The following ESR1 variants were observed in gnomAD, a reference collection of about 807,000 sequenced individuals.
The protein encoded by ESR1 is estrogen receptor 1.
Under a neutral mutation model 52.7 loss-of-function variants are expected in ESR1, and 12 were observed. That is an observed-to-expected ratio of 0.23 (90% CI 0.15 to 0.37). The LOEUF (loss-of-function observed/expected upper bound fraction) is 0.37. ESR1 is among the 10% of genes least tolerant of loss of function. ESR1 has a pLI of 1.00. For synonymous variants in ESR1, 305 were observed against 316.8 expected (o/e 0.96, Z 0.39); for missense variants, 584 against 779.7 (o/e 0.75, Z 2.99).
chr6:152,097,131 T>TTC (rs374574306), intron 7 of ESR1, among the ~76,000 whole-genome samples: 3 of 150,860 alleles, frequency 2.0e-5, no homozygotes, highest in Admixed American at 1.3e-4. Context: ...TTGCTTCTCT[T>TTC]TCTCTCTCTC....
intron 2 of ESR1, among the ~76,000 whole-genome samples, chr6:151,735,050 T>A (rs1782542312): frequency 6.6e-6 from 1 of 152,226 alleles, no homozygotes; most frequent in African/African-American, 2.4e-5. Context: ...TAAAGCAGAC[T>A]GTGAATAAAT....
chr6:151,785,287 A>G (rs1343761949), intron 2 of ESR1, among the ~76,000 whole-genome samples: 1 of 152,200 alleles, frequency 6.6e-6, no homozygotes, highest in Non-Finnish European at 1.5e-5. Context: ...CAGAATGGTC[A>G]AGAGAGATGG....
intron 3 of ESR1, among the ~76,000 whole-genome samples, chr6:151,920,496 A>G (rs993129274): frequency 2.6e-5 from 4 of 152,122 alleles, no homozygotes; most frequent in Non-Finnish European, 4.4e-5. Flanking sequence ...TCTATACTTT[A>G]TTCAGATTTT....
At chr6:152,106,204 ATATAT>A (rs1048256074), downstream of ESR1, among the ~76,000 whole-genome samples, 2 of 152,312 alleles carry the variant, frequency 1.3e-5, no homozygotes, top group Admixed American at 6.5e-5. Flanking sequence ...TTATTACCAC[ATATAT>A]TATATCTATA....
intron 3 of ESR1, among the ~76,000 whole-genome samples, chr6:151,894,815 T>C (rs1795218998): frequency 6.6e-6 from 1 of 152,178 alleles, no homozygotes; most frequent in Non-Finnish European, 1.5e-5. Flanking sequence ...TGAAATCAGG[T>C]AATGTGATGC....
At chr6:151,968,147 C>T (rs553956901) in intron 4 of ESR1, among the ~76,000 whole-genome samples, 1 of 152,008 alleles carries the variant, frequency 6.6e-6, no homozygotes, top group East Asian at 1.9e-4. Context: ...CTTTGACAAA[C>T]CGGACAAAAA....
chr6:151,745,824 CA>C (rs1783440936), intron 2 of ESR1, among the ~76,000 whole-genome samples: 1 of 152,138 alleles, frequency 6.6e-6, no homozygotes, highest in African/African-American at 2.4e-5. Flanking sequence ...GTATATTCAA[CA>C]GATCTCCAGA....
At chr6:151,686,123 T>C (rs1778662794), upstream of ESR1, among the ~76,000 whole-genome samples, 1 of 149,144 alleles carries the variant, frequency 6.7e-6, no homozygotes, top group African/African-American at 2.5e-5. Flanking sequence ...TTGCTCAGGC[T>C]AGTCTTGAAC....
intron 1 of ESR1, among the ~76,000 whole-genome samples, chr6:151,657,933 C>T (rs559984965): frequency 1.3e-5 from 2 of 152,172 alleles, no homozygotes; most frequent in African/African-American, 4.8e-5. Context: ...CTCTTTTAAG[C>T]TTTATGTTTC....
chr6:151,939,073 C>T (rs1248961101), intron 3 of ESR1, among the ~76,000 whole-genome samples: 1 of 152,168 alleles, frequency 6.6e-6, no homozygotes, highest in Admixed American at 6.5e-5. Flanking sequence ...CAGGGCACGA[C>T]ATCTCTATTG....
At chr6:151,739,072 C>T (rs1782884354) in intron 2 of ESR1, among the ~76,000 whole-genome samples, 1 of 152,124 alleles carries the variant, frequency 6.6e-6, no homozygotes, top group South Asian at 2.1e-4. Context: ...TCTTGAGTCC[C>T]TTCTAATATT....
At chr6:151,770,501 G>A (rs1161903630) in intron 2 of ESR1, among the ~76,000 whole-genome samples, 2 of 151,922 alleles carry the variant, frequency 1.3e-5, no homozygotes, top group Non-Finnish European at 2.9e-5. Flanking sequence ...ATATATAAAT[G>A]TAACTAATAT....
chr6:151,739,329 G>A (rs1368673238), intron 2 of ESR1, among the ~76,000 whole-genome samples: 2 of 152,216 alleles, frequency 1.3e-5, no homozygotes, highest in African/African-American at 4.8e-5. Flanking sequence ...TTGATGTTAT[G>A]TCTTGTAACC....
At chr6:151,707,020 C>T (rs1254670178) in intron 2 of ESR1, among the ~76,000 whole-genome samples, 1 of 151,932 alleles carries the variant, frequency 6.6e-6, no homozygotes, top group Non-Finnish European at 1.5e-5. Flanking sequence ...GGATGTAAGC[C>T]GTGTGTTTAG....
intron 1 of ESR1, among the ~76,000 whole-genome samples, chr6:151,664,952 A>G (rs1481492771): frequency 6.6e-6 from 1 of 152,196 alleles, no homozygotes; most frequent in Non-Finnish European, 1.5e-5. Flanking sequence ...TATTTTTCCA[A>G]TTACTGCCTC....
At chr6:151,899,703 T>G (rs1398011550) in intron 3 of ESR1, among the ~76,000 whole-genome samples, 5 of 131,050 alleles carry the variant, frequency 3.8e-5, no homozygotes, top group African/African-American at 9.0e-5. Context: ...AGGCAGAGGG[T>G]CTCCTCACTT....
At position 151,872,150 on chromosome 6, in the gene ESR1, A is replaced by G. The variant is rs562511546; in HGVS notation, c.644-8505A>G. On this transcript the variant is annotated intron_variant, in intron 2 of 7. Coordinates refer to ENST00000206249, the MANE Select transcript of ESR1 (RefSeq NM_000125.4). ...GCTTTCCACTTGTTGGAAGTGGAAC[A>G]TGGTCTCCCACTTCATTTTGACACA... 2.0e-5 allele frequency among the ~76,000 whole-genome samples: 3 copies of G among 152,342 alleles called. No homozygotes were observed. The South Asian group carries it at 6.2e-4, about 32-fold the overall frequency.
At chr6:151,783,225 T>G (rs1786714679) in intron 2 of ESR1, among the ~76,000 whole-genome samples, 1 of 152,214 alleles carries the variant, frequency 6.6e-6, no homozygotes, top group Non-Finnish European at 1.5e-5. Context: ...TGTCTATGTG[T>G]AAAGTTGGTT....
At chr6:151,881,012 T>C (rs1792823279) in intron 3 of ESR1, among the ~76,000 whole-genome samples, 1 of 152,222 alleles carries the variant, frequency 6.6e-6, no homozygotes, top group African/African-American at 2.4e-5. Context: ...TCAATGTAAA[T>C]AATTATATTT....
Sources: gnomAD v4.1 joint callset for allele counts (sites outside exome capture counted in the v4.1 genomes callset) on GRCh38, gnomAD v4.1.1 for gene constraint, MANE v1.5 for transcripts, NCBI Gene and HGNC (gene_info 2026-07-23, HGNC 2026-07-21) for gene names.